Variants in DOCK8 observed in about 807,000 individuals in gnomAD.
DOCK8 encodes dedicator of cytokinesis 8.
DOCK8 carries 141 observed loss-of-function variants against 245.6 expected under a neutral mutation model. The ratio of observed to expected loss-of-function variants is 0.57; its 90% CI spans 0.50 to 0.66. DOCK8 has a LOEUF of 0.66. Among genes scored for constraint, DOCK8 ranks in the 30% least tolerant of loss-of-function variants. DOCK8 has a pLI of 0.00. For synonymous variants in DOCK8, 1,168 were observed against 970.2 expected, an observed-to-expected ratio of 1.20 and a Z score of -3.79; for missense variants, 2,965 against 2,603.4, an observed-to-expected ratio of 1.14 and a Z score of -3.02.
intron 14 of DOCK8, among the ~76,000 whole-genome samples, chr9:346,967 T>C (rs561893401): frequency 3.9e-4 from 59 of 152,266 alleles, no homozygotes; most frequent in African/African-American, 1.3e-3. Flanking sequence ...GGAAATAGGT[T>C]CCCAGTTTAA....
intron 4 of DOCK8, among the ~76,000 whole-genome samples, chr9:298,708 G>A (rs554630226): frequency 3.6e-4 from 54 of 151,396 alleles, no homozygotes; most frequent in Non-Finnish European, 6.3e-4. Flanking sequence ...GGAAATAGCC[G>A]CATTTTATTA....
At chr9:422,657 T>C (rs918172542) in intron 33 of DOCK8, among the ~76,000 whole-genome samples, 1 of 152,206 alleles carries the variant, frequency 6.6e-6, no homozygotes, top group South Asian at 2.1e-4. Flanking sequence ...GGGAAATGCT[T>C]ATGACATAAT....
chr9:316,635 A>C (rs2050359608), intron 6 of DOCK8, among the ~76,000 whole-genome samples: 1 of 152,236 alleles, frequency 6.6e-6, no homozygotes, highest in Admixed American at 6.5e-5. Flanking sequence ...TTCAAATCTG[A>C]AACTCACATA....
intron 4 of DOCK8, among the ~76,000 whole-genome samples, chr9:297,292 G>C (rs1308218133): frequency 6.6e-6 from 1 of 152,194 alleles, no homozygotes. Flanking sequence ...AGGTCTCTTA[G>C]TACATTAAGG....
chr9:420,115 C>A, intron 30 of DOCK8: 1 of 477,182 alleles, frequency 2.1e-6, no homozygotes, highest in South Asian at 2.0e-5. Flanking sequence ...ATCACCAGGC[C>A]ACACTGCTCC....
Position 434,814 on chromosome 9 carries a change from C to G in DOCK8, c.4918C>G (p.Leu1640Val), listed in dbSNP as rs2056839287. 2.5e-6 allele frequency: 4 copies of G among 1,614,178 alleles called. No individual in the cohort carries two copies. Among genetic ancestry groups the G allele is most frequent in the Non-Finnish European group, 3.4e-6 (4 of 1,180,044 alleles). Residue 1640 changes from leucine to valine, a missense_variant, in exon 39 of 48, where the codon CTG becomes GTG. Around this residue, in one of 3 missense-constraint regions of DOCK8, gnomAD observed 2,825 missense variants for 2,453.5 expected, o/e 1.15. Coordinates refer to ENST00000432829, the MANE Select transcript of DOCK8 (RefSeq NM_203447.4). The stretch of plus-strand genomic sequence containing the variant: ...CAAGAGTTACCAGGCATCTCCTGAT[C>G]TGCGGCTGACCTGGCTCCAGAACAT... Reference protein sequence around the residue: ...IAKSYQASPDLRLTWLQNMAE... With the variant: ...IAKSYQASPDVRLTWLQNMAE...
At chr9:326,734 C>A (rs1205429432) in intron 8 of DOCK8, among the ~76,000 whole-genome samples, 2 of 152,212 alleles carry the variant, frequency 1.3e-5, no homozygotes, top group Non-Finnish European at 2.9e-5. Flanking sequence ...ATGTTCTCTC[C>A]CCAAATTACT....
At position 334,257 on chromosome 9, in the gene DOCK8, A is replaced by C; in HGVS notation, c.1158A>C (p.Gln386His). The C allele has an allele frequency of 6.2e-7, 1 of 1,614,222 alleles. No individual in the cohort carries two copies. Among genetic ancestry groups the C allele is most frequent in the Non-Finnish European group, 8.5e-7 (1 of 1,180,040 alleles). The change falls in exon 11 of 48, where the codon CAA becomes CAC. Residue 386 changes from glutamine to histidine, a missense_variant. By Grantham distance (24) the Gln-to-His change is conservative (BLOSUM62 0). Transcript: ENST00000432829. ...SKEKIEKLKL[Q>H]AESFCQRLGK... is the part of the protein sequence containing the mutation. ...AAAAGATTGAAAAACTAAAACTCCAAGCTGAATCCTTCTGCCAGCGTTTGG... is the reference window on the plus strand; with the variant it reads ...AAAAGATTGAAAAACTAAAACTCCACGCTGAATCCTTCTGCCAGCGTTTGG...
chr9:212,979 A>G (rs1254264746), upstream of DOCK8: 2 of 152,210 alleles, frequency 1.3e-5, no homozygotes, highest in Non-Finnish European at 2.9e-5. Context: ...AATGTTTTCT[A>G]TGTATCATTC....
chr9:397,658 C>G (rs1306455042), intron 25 of DOCK8, among the ~76,000 whole-genome samples: 1 of 152,084 alleles, frequency 6.6e-6, no homozygotes, highest in African/African-American at 2.4e-5. Flanking sequence ...CCACAGCACT[C>G]CAGCCTGGGT....
chr9:241,812 T>C (rs2131415693), intron 1 of DOCK8, among the ~76,000 whole-genome samples: 1 of 152,302 alleles, frequency 6.6e-6, no homozygotes, highest in African/African-American at 2.4e-5. Context: ...AAGGAATAGG[T>C]AAATTTTTTT....
At chr9:451,927 G>GCATATACATATA (rs2057458998) in intron 45 of DOCK8, 84 bp from the exon 46 acceptor site, 4 of 251,994 alleles carry the variant, frequency 1.6e-5, no homozygotes, top group African/African-American at 1.2e-4. Flanking sequence ...ACATATATAT[G>GCATATACATATA]TATGTGTATA....
At position 226,324 on chromosome 9, in the gene DOCK8, G is replaced by A. The variant is rs191219125; in HGVS notation, c.53+11295G>A. Among the ~76,000 whole-genome samples, 4 of 152,212 alleles carry A rather than the reference G, an allele frequency of 2.6e-5. No homozygotes were observed. The East Asian group carries it at 5.8e-4, about 22-fold the overall frequency. ...CCTGCCTCCATGATTCAATTATCTC[G>A]CACAACATGTGGGGATTATGGGAGC... On this transcript the variant is annotated intron_variant, in intron 1 of 47. Transcript: ENST00000432829.
In DOCK8 at chr9:414,937, T is replaced by C. The variant is rs774212652; in HGVS notation, c.3686T>C (p.Leu1229Pro). Residue 1229 changes from leucine (L) to proline (P), a missense_variant, in exon 29 of 48, where the codon CTC (leucine) becomes CCC (proline). Physicochemically the swap from Leu to Pro is moderately conservative, Grantham distance 98. This residue lies in a region of DOCK8 where 2,825 missense variants were observed against 2,453.5 expected (regional missense o/e 1.15). Transcript: ENST00000432829. ...ATCATTTTGGATGCTTTGCCACAGC[T>C]CTGTGACTTTACAGGTAATGGCCCT... ...VGIILDALPQ[L>P]CDFTVADTRR... 1 of 1,613,790 alleles carries C rather than the reference T, an allele frequency of 6.2e-7. No homozygotes were observed. The highest frequency in any genetic ancestry group is 8.5e-7 in the Non-Finnish European group (1 of 1,180,030).
chr9:302,159 C>T (rs1231051678), intron 4 of DOCK8, among the ~76,000 whole-genome samples: 2 of 152,130 alleles, frequency 1.3e-5, no homozygotes, highest in Admixed American at 6.5e-5. Context: ...GACACGTAGA[C>T]CAATAGAACA....
At chr9:304,520 C>T in intron 4 of DOCK8, 61 bp from the exon 5 acceptor site, 2 of 1,606,956 alleles carry the variant, frequency 1.2e-6, no homozygotes, top group Non-Finnish European at 1.7e-6. Context: ...TATTTTTAAT[C>T]TAATGGTTTG....
At chr9:324,722 T>C (rs932933087) in intron 7 of DOCK8, among the ~76,000 whole-genome samples, 1 of 152,192 alleles carries the variant, frequency 6.6e-6, no homozygotes, top group African/African-American at 2.4e-5. Flanking sequence ...AGCCTTCTTC[T>C]GACTGTCCCA....
At chr9:402,371 C>T (rs1414529992) in intron 26 of DOCK8, among the ~76,000 whole-genome samples, 2 of 152,192 alleles carry the variant, frequency 1.3e-5, no homozygotes, top group Non-Finnish European at 2.9e-5. Flanking sequence ...TTAATTACTT[C>T]TGTGATTGGG....
intron 33 of DOCK8, among the ~76,000 whole-genome samples, chr9:424,673 G>A (rs776667875): frequency 7.9e-5 from 12 of 152,330 alleles, no homozygotes; most frequent in Non-Finnish European, 1.3e-4. Flanking sequence ...ACCTCCCAAA[G>A]TGGTGGGATT....
Sources: gnomAD v4.1 joint callset for allele counts (sites outside exome capture counted in the v4.1 genomes callset) on GRCh38, gnomAD v4.1.1 for gene constraint, gnomAD v4.1.1 regional missense constraint, MANE v1.5 for transcripts, NCBI Gene and HGNC (gene_info 2026-07-23, HGNC 2026-07-21) for gene names.